Variants in ZFC3H1 observed in about 807,000 individuals in gnomAD.
ZFC3H1 encodes the protein zinc finger C3H1 domain-containing protein.
In ZFC3H1, 71 loss-of-function variants were observed where a neutral mutation model predicts 243.7. That is an observed-to-expected ratio of 0.29 (90% CI 0.24 to 0.36). The LOEUF (loss-of-function observed/expected upper bound fraction) is 0.36, where lower values mean the gene tolerates loss of function less well. Ranked by LOEUF, ZFC3H1 falls within the 10% of genes least tolerant of loss-of-function variation. The probability of loss-of-function intolerance (pLI) is 1.00; values close to 1 mark genes in which losing one functional copy is unlikely to be tolerated. For synonymous variants in ZFC3H1, 838 were observed against 813.0 expected, an observed-to-expected ratio of 1.03 and a Z score of -0.52; for missense variants, 1,966 against 2,317.1, an observed-to-expected ratio of 0.85 and a Z score of 3.11.
Position 71,631,752 on chromosome 12 carries a change from A to G in ZFC3H1, c.3470+26T>C, listed in dbSNP as rs757285070. On this transcript the variant is annotated intron_variant, in intron 16 of 34. Coordinates refer to ENST00000378743, the MANE Select transcript of ZFC3H1 (RefSeq NM_144982.5). Reference sequence around the variant, plus strand: ...AAACCAAACAGAAATCCTGAAATTCAAGCTTATTGAATCTTTCTTTTATAC... The same window carrying G: ...AAACCAAACAGAAATCCTGAAATTCGAGCTTATTGAATCTTTCTTTTATAC... 1.5e-5 allele frequency: 23 copies of G among 1,534,382 alleles called. No homozygotes were observed. In the East Asian group the frequency reaches 5.2e-4, roughly 35 times the overall value.
intron 1 of ZFC3H1, among the ~76,000 whole-genome samples, chr12:71,657,701 T>G (rs1881056329): frequency 6.6e-6 from 1 of 152,104 alleles, no homozygotes; most frequent in African/African-American, 2.4e-5. Context: ...AGTTTACACT[T>G]CAGGGGGCCA....
chr12:71,610,169 A>T lies in ZFC3H1; in HGVS notation c.*259T>A, dbSNP rs981309016. 10 of 312,688 alleles carry T rather than the reference A, an allele frequency of 3.2e-5. No individual in the cohort carries two copies. The highest frequency in any genetic ancestry group is 1.9e-4 in the African/African-American group (9 of 46,460). The allele number at this position is 312,688 out of a possible 1,614,324, so 19.4% of individuals were successfully genotyped here. On this transcript the variant is annotated 3_prime_UTR_variant, in exon 35 of 35. Transcript: ENST00000378743. ...AAATAAATGTCAGTCACTTTGAGGA[A>T]CTATACTTACGTATATGATGTTATG... is the stretch of plus-strand genomic sequence containing the variant.
intron 19 of ZFC3H1, 23 bp from the exon 20 acceptor site, chr12:71,629,060 G>A (rs1880245767): frequency 1.9e-6 from 3 of 1,557,164 alleles, no homozygotes; most frequent in Admixed American, 2.0e-5. Flanking sequence ...GGAGAAGATT[G>A]TTAATTGATA....
At position 71,633,026 on chromosome 12, in the gene ZFC3H1, T is replaced by C. The variant is rs771977346; in HGVS notation, c.2686-9A>G. 1 of 1,583,908 alleles carries C rather than the reference T, an allele frequency of 6.3e-7. No homozygotes were observed. The highest frequency in any genetic ancestry group is 1.2e-5 in the South Asian group (1 of 84,830). On this transcript the variant is annotated splice_polypyrimidine_tract_variant and intron_variant, in intron 13 of 34. Transcript: ENST00000378743. Reference sequence around the variant, plus strand: ...TGTTGAACTCTGTGAATCTGAAAAATATAGAATAATCCTGAAAATGTAAAT... The same window carrying C: ...TGTTGAACTCTGTGAATCTGAAAAACATAGAATAATCCTGAAAATGTAAAT...
At chr12:71,611,147 T>G (rs760631806) in intron 32 of ZFC3H1, 50 bp from the exon 33 acceptor site, 20 of 1,486,228 alleles carry the variant, frequency 1.3e-5, no homozygotes, top group Admixed American at 7.0e-5. Flanking sequence ...AAAGAAAAAT[T>G]TATATATCTT....
At chr12:71,619,858 C>T in intron 26 of ZFC3H1, 68 bp downstream of exon 26, 1 of 1,443,958 alleles carries the variant, frequency 6.9e-7, no homozygotes, top group South Asian at 1.4e-5. Flanking sequence ...GAAACACTTC[C>T]TGGTGAGGCC....
intron 21 of ZFC3H1, among the ~76,000 whole-genome samples, chr12:71,626,769 T>G (rs1010316860): frequency 2.0e-5 from 3 of 152,210 alleles, no homozygotes; most frequent in Non-Finnish European, 4.4e-5. Context: ...CTTTTATGAT[T>G]TACACCATTT....
intron 21 of ZFC3H1, 111 bp downstream of exon 21, chr12:71,627,640 G>T: frequency 1.0e-6 from 1 of 993,490 alleles, no homozygotes; most frequent in Non-Finnish European, 1.5e-6. Context: ...AAAAAACAAA[G>T]ACTCCATTGA....
chr12:71,657,653 A>G (rs1881054996), intron 1 of ZFC3H1, among the ~76,000 whole-genome samples: 1 of 152,174 alleles, frequency 6.6e-6, no homozygotes, highest in Non-Finnish European at 1.5e-5. Context: ...TTCTGAAGGA[A>G]GAGGGGAGAA....
chr12:71,642,145 C>T (rs868659585), intron 6 of ZFC3H1, among the ~76,000 whole-genome samples: 1 of 152,136 alleles, frequency 6.6e-6, no homozygotes, highest in South Asian at 2.1e-4. Flanking sequence ...CCACTGCACC[C>T]GGCCCAATCT....
intron 6 of ZFC3H1, among the ~76,000 whole-genome samples, chr12:71,640,917 T>C (rs1045489597): frequency 9.9e-5 from 15 of 152,172 alleles, no homozygotes; most frequent in South Asian, 4.1e-4. Flanking sequence ...CATTCTTTTT[T>C]AATACAAGAT....
At chr12:71,654,424 C>A (rs762217271) in intron 2 of ZFC3H1, among the ~76,000 whole-genome samples, 9 of 152,130 alleles carry the variant, frequency 5.9e-5, no homozygotes, top group Non-Finnish European at 1.2e-4. Flanking sequence ...CTGGGCAACA[C>A]AGTGAGATCT....
Position 71,619,416 on chromosome 12 carries a change from T to C in ZFC3H1, c.5050-7A>G, listed in dbSNP as rs770478370. ...GAAGATTATCGCCTCGATTCTATTT[T>C]AAAAAGAGGGAGGGGGATATATATC... On this transcript the variant is annotated splice_polypyrimidine_tract_variant and splice_region_variant and intron_variant, in intron 26 of 34. Transcript: ENST00000378743. 5 of 1,611,054 alleles carry C rather than the reference T, an allele frequency of 3.1e-6. No homozygotes were observed. In the African/African-American group the frequency reaches 4.0e-5, roughly 13 times the overall value.
At chr12:71,662,626 CAAT>C (rs1311266685) in intron 1 of ZFC3H1, among the ~76,000 whole-genome samples, 1 of 151,794 alleles carries the variant, frequency 6.6e-6, no homozygotes, top group Admixed American at 6.6e-5. Flanking sequence ...GATAAAGCAA[CAAT>C]ATTACTTAAA....
Position 71,610,260 on chromosome 12 carries a change from G to T in ZFC3H1, c.*168C>A. On this transcript the variant is annotated 3_prime_UTR_variant, in exon 35 of 35. Coordinates refer to ENST00000378743, the MANE Select transcript of ZFC3H1 (RefSeq NM_144982.5). ...CATTTATCCAACCGAAGAGGATCAT[G>T]TTCATTGCTTCCGGTTTTGAGGACA... is the stretch of plus-strand genomic sequence containing the variant. 1.3e-6 allele frequency: 1 copy of T among 771,414 alleles called. No individual in the cohort carries two copies. Among genetic ancestry groups the T allele is most frequent in the Non-Finnish European group, 2.0e-6 (1 of 497,814 alleles). 47.8% of individuals were successfully genotyped at this position (771,414 alleles called of 1,614,324 possible).
rs1275733196 is a variant in ZFC3H1 at position 71,623,592 on chromosome 12, T to C, written c.4512A>G (p.Ala1504=). The change falls in exon 24 of 35, where the codon GCA becomes GCG. Residue 1504 remains alanine, a synonymous_variant. Transcript: ENST00000378743. Reference sequence around the variant, plus strand: ...CTATTCCATCATTAGCAGATTTCAATGCATTCTAGGCAAAATTTAAAATTT... The same window carrying C: ...CTATTCCATCATTAGCAGATTTCAACGCATTCTAGGCAAAATTTAAAATTT... ...CQSALAILQN[A]LKSANDGIVA... The C allele has an allele frequency of 8.1e-6, 13 of 1,603,236 alleles. No homozygotes were observed. Among genetic ancestry groups the C allele is most frequent in the Non-Finnish European group, 1.1e-5 (13 of 1,176,582 alleles).
intron 25 of ZFC3H1, 42 bp downstream of exon 25, chr12:71,620,168 A>G: frequency 6.2e-7 from 1 of 1,611,898 alleles, no homozygotes; most frequent in African/African-American, 1.3e-5. Context: ...TGAAAAGATC[A>G]CTTTTTAATA....
At chr12:71,662,826 G>C (rs867197479) in intron 1 of ZFC3H1, among the ~76,000 whole-genome samples, 187 bp downstream of exon 1, 5 of 152,164 alleles carry the variant, frequency 3.3e-5, no homozygotes, top group African/African-American at 1.2e-4. Flanking sequence ...ACCCAATGAA[G>C]CAGTCTTAAG....
Position 71,611,042 on chromosome 12 carries a change from T to G in ZFC3H1, c.5769+16A>C. 1 of 1,595,914 alleles carries G rather than the reference T, an allele frequency of 6.3e-7. No individual in the cohort carries two copies. The highest frequency in any genetic ancestry group is 8.5e-7 in the Non-Finnish European group (1 of 1,174,722). On this transcript the variant is annotated intron_variant, in intron 33 of 34. Coordinates refer to ENST00000378743, the MANE Select transcript of ZFC3H1 (RefSeq NM_144982.5). ...CTTTTTAAAAGTGACCCATCTGAGA[T>G]TCAACCATGGCTTACCTCTCTTTGT... is the stretch of plus-strand genomic sequence containing the variant.
Sources: gnomAD v4.1 joint callset for allele counts (sites outside exome capture counted in the v4.1 genomes callset) on GRCh38, gnomAD v4.1.1 for gene constraint, MANE v1.5 for transcripts, NCBI Gene and HGNC (gene_info 2026-07-23, HGNC 2026-07-21) for gene names.